Variants in NME7 observed in about 807,000 individuals in gnomAD.
NME7 encodes the protein NME/NM23 family member 7, also known as nucleoside diphosphate kinase 7.
NME7 carries 41 observed loss-of-function variants against 49.1 expected under a neutral mutation model. The ratio of observed to expected loss-of-function variants is 0.83; its 90% CI spans 0.65 to 1.08. The LOEUF is 1.08. NME7 is among the 50% of genes least tolerant of loss of function. The pLI, the probability that NME7 is intolerant of heterozygous loss-of-function variation, is 0.00. For missense variants in NME7, 423 were observed against 463.4 expected (o/e 0.91, Z 0.80); for synonymous variants, 139 against 150.6 (o/e 0.92, Z 0.56).
At chr1:169,273,280 A>T (rs1378085269) in intron 7 of NME7, among the ~76,000 whole-genome samples, 1 of 129,050 alleles carries the variant, frequency 7.7e-6, no homozygotes, top group Non-Finnish European at 1.8e-5. Context: ...TCATTGTTCA[A>T]CTCAGACTTA....
At chr1:169,256,073 T>C (rs1648918008) in intron 7 of NME7, among the ~76,000 whole-genome samples, 1 of 132,870 alleles carries the variant, frequency 7.5e-6, no homozygotes, top group Admixed American at 7.4e-5. Context: ...AGTATCTTTG[T>C]GGCATTCTCT....
chr1:169,242,362 T>G (rs1307266239), intron 7 of NME7, among the ~76,000 whole-genome samples: 1 of 151,688 alleles, frequency 6.6e-6, no homozygotes, highest in Non-Finnish European at 1.5e-5. Flanking sequence ...AAAAAAACAT[T>G]TGAAAATATA....
chr1:169,233,623 G>T (rs1470039617), intron 9 of NME7, among the ~76,000 whole-genome samples: 1 of 152,142 alleles, frequency 6.6e-6, no homozygotes, highest in Non-Finnish European at 1.5e-5. Context: ...AAAAGAGGAG[G>T]AAAAGGACTT....
At chr1:169,243,494 C>T (rs1486340203) in intron 7 of NME7, among the ~76,000 whole-genome samples, 1 of 152,134 alleles carries the variant, frequency 6.6e-6, no homozygotes, top group African/African-American at 2.4e-5. Flanking sequence ...ATATTTGTGA[C>T]CCTCTGAAAT....
At chr1:169,235,558 CT>C (rs960200376) in intron 8 of NME7, among the ~76,000 whole-genome samples, 2 of 152,070 alleles carry the variant, frequency 1.3e-5, no homozygotes, top group Non-Finnish European at 2.9e-5. Flanking sequence ...ATTGATAATA[CT>C]TTTACCTACT....
At chr1:169,196,941 T>G (rs1660396595) in intron 10 of NME7, among the ~76,000 whole-genome samples, 1 of 152,210 alleles carries the variant, frequency 6.6e-6, no homozygotes, top group Admixed American at 6.6e-5. Context: ...TTTTATATAA[T>G]AAGATGCTGA....
intron 1 of NME7, among the ~76,000 whole-genome samples, chr1:169,345,735 T>C (rs1652930402): frequency 6.6e-6 from 1 of 152,148 alleles, no homozygotes; most frequent in Non-Finnish European, 1.5e-5. Context: ...AATCTACATA[T>C]TGACAGTGCT....
At position 169,318,076 on chromosome 1, in the gene NME7, C is replaced by T. The variant is rs550563254; in HGVS notation, c.278+5041G>A. Among the ~76,000 whole-genome samples the T allele has an allele frequency of 5.3e-5, 8 of 152,286 alleles. No individual in the cohort carries two copies. In the East Asian group the frequency reaches 7.7e-4, roughly 15 times the overall value. On this transcript the variant is annotated intron_variant, in intron 3 of 11. Transcript: ENST00000367811. The stretch of plus-strand genomic sequence containing the variant: ...CTGTTTCTCTCTAGTGCTCTCTCTC[C>T]TGTGCTCCATGGGCTGGGAGGCAGG...
intron 7 of NME7, among the ~76,000 whole-genome samples, chr1:169,276,090 A>C: frequency 7.4e-6 from 1 of 134,240 alleles, no homozygotes; most frequent in Non-Finnish European, 1.8e-5. Flanking sequence ...TCAGTTTGCC[A>C]GTATTTTATT....
At chr1:169,228,038 G>A (rs1283214614) in intron 10 of NME7, among the ~76,000 whole-genome samples, 1 of 116,696 alleles carries the variant, frequency 8.6e-6, no homozygotes, top group South Asian at 2.7e-4. Context: ...AATTATGTGT[G>A]TATACACACA....
intron 11 of NME7, among the ~76,000 whole-genome samples, chr1:169,133,272 C>A (rs1658307230): frequency 6.6e-6 from 1 of 151,756 alleles, no homozygotes; most frequent in Non-Finnish European, 1.5e-5. Flanking sequence ...CATTTTCCAG[C>A]TATAATTATT....
At chr1:169,284,354 T>A (rs1184108779) in intron 7 of NME7, 2 of 152,092 alleles carry the variant, frequency 1.3e-5, no homozygotes, top group Non-Finnish European at 2.9e-5. Context: ...TGACTTCAGC[T>A]TTTTTTCATG....
At chr1:169,289,505 G>A (rs886125626) in intron 6 of NME7, among the ~76,000 whole-genome samples, 2 of 151,864 alleles carry the variant, frequency 1.3e-5, no homozygotes, top group Non-Finnish European at 2.9e-5. Context: ...TTAGCAAGTG[G>A]CAAAGCCAGG....
At chr1:169,276,843 C>G (rs1649754555) in intron 7 of NME7, among the ~76,000 whole-genome samples, 1 of 141,510 alleles carries the variant, frequency 7.1e-6, no homozygotes, top group South Asian at 2.3e-4. Flanking sequence ...AAATTTCCCT[C>G]TACACACTGC....
At chr1:169,315,937 C>T (rs1651608107) in intron 3 of NME7, among the ~76,000 whole-genome samples, 1 of 151,654 alleles carries the variant, frequency 6.6e-6, no homozygotes, top group African/African-American at 2.4e-5. Context: ...CTACTAATAG[C>T]AGAAAAGGGG....
In NME7 at chr1:169,270,598, TA is replaced by T. The variant is rs753028133; in HGVS notation, c.754+16704del. On this transcript the variant is annotated intron_variant, in intron 7 of 11. Coordinates refer to ENST00000367811, the MANE Select transcript of NME7 (RefSeq NM_013330.5). The stretch of plus-strand genomic sequence containing the variant: ...TACAAGACAGTCATTCAACTTTGCT[TA>T]AAAATTAAAAGATAATGATATTAGT... Among the ~76,000 whole-genome samples the T allele has an allele frequency of 9.0e-5, 12 of 134,056 alleles. 2 individuals carry two copies. Among genetic ancestry groups the T allele is most frequent in the Middle Eastern group, 3.8e-3 (1 of 264 alleles). The allele number at this position is 134,056 out of a possible 152,430, so 87.9% of individuals were successfully genotyped here. A position where few individuals can be genotyped will look rare whatever the true frequency, so the allele number is the denominator to read the frequency against.
chr1:169,253,506 A>C (rs1281249585), intron 7 of NME7, among the ~76,000 whole-genome samples: 1 of 152,138 alleles, frequency 6.6e-6, no homozygotes, highest in African/African-American at 2.4e-5. Flanking sequence ...TGTCGCCTGC[A>C]AACAGGGACA....
At chr1:169,346,733 T>C (rs1035084684) in intron 1 of NME7, among the ~76,000 whole-genome samples, 8 of 152,254 alleles carry the variant, frequency 5.3e-5, no homozygotes, top group African/African-American at 1.9e-4. Context: ...TATTTATGGA[T>C]GCATCCCAAG....
At chr1:169,175,693 T>C (rs562670023) in intron 10 of NME7, among the ~76,000 whole-genome samples, 63 of 152,204 alleles carry the variant, frequency 4.1e-4, no homozygotes, top group African/African-American at 1.5e-3. Flanking sequence ...TGGTGGTTTA[T>C]CACGAGGTCA....
Sources: gnomAD v4.1 joint callset for allele counts (sites outside exome capture counted in the v4.1 genomes callset) on GRCh38, gnomAD v4.1.1 for gene constraint, MANE v1.5 for transcripts, NCBI Gene and HGNC (gene_info 2026-07-23, HGNC 2026-07-21) for gene names.